Variants in SBF2 observed in about 807,000 individuals in gnomAD.
SBF2 encodes SET binding factor 2.
In SBF2, 112 loss-of-function variants were observed where a neutral mutation model predicts 225.2. The observed-to-expected ratio is 0.50, with a 90% confidence interval of 0.43 to 0.58. The LOEUF (loss-of-function observed/expected upper bound fraction) is 0.58. SBF2 is among the 20% of genes least tolerant of loss of function. The pLI is 0.00. For synonymous variants in SBF2, 763 were observed against 773.3 expected (o/e 0.99, Z 0.22); for missense variants, 1,996 against 2,206.2 (o/e 0.90, Z 1.91).
chr11:10,248,994 G>A (rs910057462), intron 1 of SBF2, among the ~76,000 whole-genome samples: 1 of 152,062 alleles, frequency 6.6e-6, no homozygotes, highest in African/African-American at 2.4e-5. Flanking sequence ...TACTCAGGAG[G>A]CTGAGGCAGG....
At chr11:9,901,131 T>C (rs1327357546) in intron 16 of SBF2, among the ~76,000 whole-genome samples, 1 of 152,168 alleles carries the variant, frequency 6.6e-6, no homozygotes, top group African/African-American at 2.4e-5. Context: ...TTTTAAATGA[T>C]AGATAAAATA....
intron 13 of SBF2, among the ~76,000 whole-genome samples, chr11:9,975,519 G>T: frequency 6.6e-6 from 1 of 152,304 alleles, no homozygotes; most frequent in East Asian, 1.9e-4. Flanking sequence ...CTTTGGGGGA[G>T]TGATAGAAAT....
intron 2 of SBF2, among the ~76,000 whole-genome samples, chr11:10,051,671 T>C (rs971188601): frequency 2.6e-5 from 4 of 152,074 alleles, no homozygotes; most frequent in African/African-American, 9.7e-5. Flanking sequence ...TCATAGTTTA[T>C]AGGAAATTTT....
At chr11:10,269,897 G>C (rs1289189010) in intron 1 of SBF2, among the ~76,000 whole-genome samples, 2 of 152,064 alleles carry the variant, frequency 1.3e-5, no homozygotes, top group African/African-American at 4.8e-5. Context: ...AACTTGCTGG[G>C]ATTACAGGAG....
At chr11:10,284,351 T>C (rs1963603873) in intron 1 of SBF2, among the ~76,000 whole-genome samples, 1 of 152,148 alleles carries the variant, frequency 6.6e-6, no homozygotes, top group Non-Finnish European at 1.5e-5. Flanking sequence ...AGTCAAAATA[T>C]AAAACAATTT....
chr11:9,866,340 A>G (rs1469410359), intron 17 of SBF2, among the ~76,000 whole-genome samples: 1 of 152,212 alleles, frequency 6.6e-6, no homozygotes. Flanking sequence ...CTATAAGGCT[A>G]TAGTAGCCAA....
At chr11:9,900,029 CTTTTTTT>C (rs72178587) in intron 16 of SBF2, among the ~76,000 whole-genome samples, 7,772 of 133,192 alleles carry the variant, frequency 0.058, 254 homozygotes, top group Non-Finnish European at 0.085. Flanking sequence ...TCCTTTTCTT[CTTTTTTT>C]TTTTTTTTAA....
chr11:10,018,259 AG>A (rs1458335008), intron 6 of SBF2, among the ~76,000 whole-genome samples: 1 of 152,174 alleles, frequency 6.6e-6, no homozygotes, highest in African/African-American at 2.4e-5. Context: ...ATGGATATAA[AG>A]AAATATGAGA....
intron 16 of SBF2, among the ~76,000 whole-genome samples, chr11:9,933,145 C>A (rs1013257681): frequency 6.6e-6 from 1 of 151,914 alleles, no homozygotes; most frequent in East Asian, 1.9e-4. Context: ...ACAGGAGCAC[C>A]CAGATTCATA....
intron 2 of SBF2, among the ~76,000 whole-genome samples, chr11:10,158,308 G>T (rs146177314): frequency 2.0e-5 from 3 of 151,580 alleles, no homozygotes; most frequent in African/African-American, 7.3e-5. Flanking sequence ...CTAAATCAGC[G>T]GAAGAAAAGA....
At chr11:9,938,499 G>C (rs937827052) in intron 16 of SBF2, among the ~76,000 whole-genome samples, 2 of 151,374 alleles carry the variant, frequency 1.3e-5, no homozygotes, top group Admixed American at 1.3e-4. Context: ...AGGATAATTT[G>C]CTTTTGGAAC....
At chr11:9,803,668 T>C (rs948628932) in intron 32 of SBF2, among the ~76,000 whole-genome samples, 8 of 152,154 alleles carry the variant, frequency 5.3e-5, no homozygotes, top group Non-Finnish European at 1.0e-4. Context: ...AAGTTGAACA[T>C]AGAGATTTAA....
chr11:10,196,577 C>T (rs1471576698), intron 1 of SBF2, among the ~76,000 whole-genome samples: 1 of 151,700 alleles, frequency 6.6e-6, no homozygotes, highest in Non-Finnish European at 1.5e-5. Flanking sequence ...CCGGGTTTCG[C>T]CACATTGCCC....
At chr11:10,112,725 A>T (rs1358676099) in intron 2 of SBF2, among the ~76,000 whole-genome samples, 1 of 152,192 alleles carries the variant, frequency 6.6e-6, no homozygotes, top group Non-Finnish European at 1.5e-5. Context: ...GGGAAAGCAA[A>T]ATCATGTAAA....
intron 13 of SBF2, among the ~76,000 whole-genome samples, chr11:9,977,734 T>C (rs1422759961): frequency 6.6e-6 from 1 of 152,200 alleles, no homozygotes; most frequent in Admixed American, 6.5e-5. Flanking sequence ...TTCCTTCTCC[T>C]TCCTTCCACC....
At chr11:9,955,657 G>C (rs1430034279) in intron 16 of SBF2, among the ~76,000 whole-genome samples, 1 of 151,980 alleles carries the variant, frequency 6.6e-6, no homozygotes, top group Non-Finnish European at 1.5e-5. Flanking sequence ...AGTTTGAGAA[G>C]ATAAATATGC....
At chr11:10,291,361 C>T (rs979685795) in intron 1 of SBF2, among the ~76,000 whole-genome samples, 1 of 152,142 alleles carries the variant, frequency 6.6e-6, no homozygotes, top group African/African-American at 2.4e-5. Context: ...AGCATGTCCT[C>T]ACCAGACACT....
chr11:10,204,730 T>C (rs944897764), intron 1 of SBF2, among the ~76,000 whole-genome samples: 9 of 151,752 alleles, frequency 5.9e-5, no homozygotes, highest in African/African-American at 4.8e-5. Flanking sequence ...CATATGCTAA[T>C]TGAAAGAAAC....
At chr11:10,220,584 C>A (rs1958305391) in intron 1 of SBF2, among the ~76,000 whole-genome samples, 2 of 152,098 alleles carry the variant, frequency 1.3e-5, no homozygotes, top group African/African-American at 2.4e-5. Flanking sequence ...TGTTTCTTAC[C>A]CTATACATTG....
Sources: gnomAD v4.1 joint callset for allele counts (sites outside exome capture counted in the v4.1 genomes callset) on GRCh38, gnomAD v4.1.1 for gene constraint, MANE v1.5 for transcripts, NCBI Gene and HGNC (gene_info 2026-07-23, HGNC 2026-07-21) for gene names.